DIAPH1: variants seen among roughly 807,000 people sequenced by gnomAD.
DIAPH1 encodes diaphanous related formin 1, also known as protein diaphanous homolog 1.
A neutral mutation model predicts 140.7 loss-of-function variants in DIAPH1; 46 were observed. The observed-to-expected ratio is 0.33, with a 90% CI of 0.26 to 0.42. The LOEUF (loss-of-function observed/expected upper bound fraction) is 0.42, where lower values mean the gene tolerates loss of function less well. Among genes scored for constraint, DIAPH1 ranks in the 10% least tolerant of loss-of-function variants. DIAPH1 has a pLI of 1.00. For synonymous variants in DIAPH1, 565 were observed against 551.6 expected, an observed-to-expected ratio of 1.02 and a Z score of -0.34; for missense variants, 1,310 against 1,558.7, an observed-to-expected ratio of 0.84 and a Z score of 2.69.
intron 1 of DIAPH1, among the ~76,000 whole-genome samples, chr5:141,610,123 C>T (rs1041231856): frequency 1.3e-5 from 2 of 151,880 alleles, no homozygotes; most frequent in African/African-American, 4.8e-5. Context: ...CATAGTGAGA[C>T]CCCATTTCTT....
intron 1 of DIAPH1, among the ~76,000 whole-genome samples, chr5:141,601,923 A>G (rs1321969597): frequency 3.3e-5 from 5 of 152,216 alleles, no homozygotes; most frequent in African/African-American, 1.2e-4. Flanking sequence ...ACTGGAGCCC[A>G]CAGGACAATA....
In DIAPH1 at chr5:141,573,749, G is replaced by C. The variant is rs576129553; in HGVS notation, c.2101C>G (p.Pro701Ala). ...PPPLPGSAGIPPPPPPLPGEA... is the reference protein window; with the variant it reads ...PPPLPGSAGIAPPPPPLPGEA... ...CCAGGCAAGGGAGGAGGTGGGGGGG[G>C]AATTCCAGCACTCCCAGGCAAAGGA... The change falls in exon 16 of 28, where the codon CCC becomes GCC. Residue 701 changes from proline to alanine, a missense_variant. Physicochemically the swap from Pro to Ala is conservative, Grantham distance 27. This residue lies in a region of DIAPH1 where 589 missense variants were observed against 549.3 expected (regional missense o/e 1.07). Transcript: ENST00000389054. The C allele has an allele frequency of 7.9e-7, 1 of 1,258,436 alleles. No individual in the cohort carries two copies. Among genetic ancestry groups the C allele is most frequent in the Non-Finnish European group, 1.1e-6 (1 of 951,574 alleles). The allele number at this position is 1,258,436 out of a possible 1,614,324, so 78.0% of individuals were successfully genotyped here. A position where few individuals can be genotyped will look rare whatever the true frequency, so the allele number is the denominator to read the frequency against.
chr5:141,596,394 T>A (rs1203033742), intron 1 of DIAPH1, among the ~76,000 whole-genome samples: 2 of 151,852 alleles, frequency 1.3e-5, no homozygotes, highest in African/African-American at 4.8e-5. Context: ...TCCCACCTAC[T>A]CAGGAGGCTG....
chr5:141,610,473 G>A (rs990852943), intron 1 of DIAPH1, among the ~76,000 whole-genome samples: 1 of 152,012 alleles, frequency 6.6e-6, no homozygotes, highest in Non-Finnish European at 1.5e-5. Flanking sequence ...GCTAAGTTTT[G>A]TATTTTTAGT....
intron 18 of DIAPH1, chr5:141,563,197 G>A (rs563741481): frequency 2.3e-4 from 35 of 152,284 alleles, no homozygotes; most frequent in African/African-American, 8.2e-4. Flanking sequence ...ACTGACCACA[G>A]AGGACTTCTT....
rs1459038034 is a variant in DIAPH1, at chr5:141,518,632, C to T, written c.3662-1624G>A. 5 of 332,626 alleles carry T rather than the reference C, an allele frequency of 1.5e-5. No homozygotes were observed. In the Admixed American group the frequency reaches 1.9e-4, roughly 13 times the overall value. 20.6% of individuals were successfully genotyped at this position (332,626 alleles called of 1,614,324 possible). A position where few individuals can be genotyped will look rare whatever the true frequency, so the allele number is the denominator to read the frequency against. On this transcript the variant is annotated intron_variant, in intron 27 of 27. Coordinates refer to ENST00000389054, the MANE Select transcript of DIAPH1 (RefSeq NM_005219.5). Reference sequence around the variant, plus strand: ...CAACCTCCCAGGCTCAAGTGATCCACCCACCTCAGCCTCCCTAGTAGCTGG... The same window carrying T: ...CAACCTCCCAGGCTCAAGTGATCCATCCACCTCAGCCTCCCTAGTAGCTGG...
chr5:141,563,705 C>CTA (rs1364530059), intron 18 of DIAPH1: 3 of 152,154 alleles, frequency 2.0e-5, no homozygotes, highest in African/African-American at 7.2e-5. Context: ...CCATTTCAGT[C>CTA]TATATGTTTC....
chr5:141,555,229 G>A (rs187897011), intron 18 of DIAPH1, among the ~76,000 whole-genome samples: 26 of 152,292 alleles, frequency 1.7e-4, no homozygotes, highest in Non-Finnish European at 1.0e-4. Flanking sequence ...TGTTAACATA[G>A]TGTGATAATG....
At position 141,550,082 on chromosome 5, in the gene DIAPH1, C is replaced by T. The variant is rs111983300; in HGVS notation, c.2483-15649G>A. ...TTGTCCAAGTTGCATTCACATCAGACGAAAATAGTCTTTAAGGTAACAAAA... is the reference window on the plus strand; with the variant it reads ...TTGTCCAAGTTGCATTCACATCAGATGAAAATAGTCTTTAAGGTAACAAAA... On this transcript the variant is annotated intron_variant, in intron 18 of 27. Coordinates refer to ENST00000389054, the MANE Select transcript of DIAPH1 (RefSeq NM_005219.5). 9.7e-3 allele frequency among the ~76,000 whole-genome samples: 1,469 copies of T among 151,552 alleles called. 14 individuals carry two copies. The highest frequency in any genetic ancestry group is 0.021 in the South Asian group (101 of 4,798).
intron 18 of DIAPH1, chr5:141,536,132 T>C: frequency 2.5e-6 from 1 of 403,330 alleles, no homozygotes; most frequent in East Asian, 7.9e-5. Context: ...AAACCCTGTC[T>C]CTATAAAAAA....
intron 1 of DIAPH1, among the ~76,000 whole-genome samples, chr5:141,604,796 A>G (rs1413642913): frequency 6.6e-6 from 1 of 152,210 alleles, no homozygotes; most frequent in South Asian, 2.1e-4. Context: ...CTACTACTCA[A>G]TAAGCCAGAC....
chr5:141,600,305 G>T (rs1442363242), intron 1 of DIAPH1, among the ~76,000 whole-genome samples: 1 of 152,192 alleles, frequency 6.6e-6, no homozygotes, highest in Non-Finnish European at 1.5e-5. Context: ...TTTTCCCCCA[G>T]AGCCTCCAGG....
chr5:141,548,961 A>T (rs72790095), intron 18 of DIAPH1, among the ~76,000 whole-genome samples: 14 of 152,366 alleles, frequency 9.2e-5, no homozygotes, highest in Non-Finnish European at 1.3e-4. Context: ...ATATAACGAC[A>T]GGGGAAATGT....
intron 18 of DIAPH1, among the ~76,000 whole-genome samples, chr5:141,552,198 T>G (rs1401637725): frequency 6.6e-6 from 1 of 151,990 alleles, no homozygotes; most frequent in Non-Finnish European, 1.5e-5. Context: ...TTGTTGTTTT[T>G]TTTTTTTTAG....
chr5:141,557,724 T>G (rs1225791516), intron 18 of DIAPH1: 1 of 152,210 alleles, frequency 6.6e-6, no homozygotes, highest in Non-Finnish European at 1.5e-5. Flanking sequence ...CTGTCACTGT[T>G]AGTAGGTGTC....
At chr5:141,600,007 C>T (rs1333126865) in intron 1 of DIAPH1, among the ~76,000 whole-genome samples, 1 of 152,150 alleles carries the variant, frequency 6.6e-6, no homozygotes, top group East Asian at 1.9e-4. Context: ...GGCCTACAGG[C>T]ATATAGCACC....
chr5:141,544,823 C>T (rs1246115111), intron 18 of DIAPH1, among the ~76,000 whole-genome samples: 3 of 152,180 alleles, frequency 2.0e-5, no homozygotes, highest in African/African-American at 2.4e-5. Context: ...CTTTGGAAAA[C>T]AGTTTGGCAG....
intron 18 of DIAPH1, among the ~76,000 whole-genome samples, chr5:141,536,260 C>A (rs569150086): frequency 6.6e-6 from 1 of 152,276 alleles, no homozygotes; most frequent in Non-Finnish European, 1.5e-5. Context: ...TGTGATGGTG[C>A]CACTGCACTC....
chr5:141,607,671 T>C (rs1260555735), intron 1 of DIAPH1, among the ~76,000 whole-genome samples: 4 of 152,234 alleles, frequency 2.6e-5, no homozygotes, highest in Admixed American at 2.6e-4. Context: ...GCTTTACCTT[T>C]CTTAAATGGT....
Sources: gnomAD v4.1 joint callset for allele counts (sites outside exome capture counted in the v4.1 genomes callset) on GRCh38, gnomAD v4.1.1 for gene constraint, gnomAD v4.1.1 regional missense constraint, MANE v1.5 for transcripts, NCBI Gene and HGNC (gene_info 2026-07-23, HGNC 2026-07-21) for gene names.